SOX5: variants seen among roughly 807,000 people sequenced by gnomAD.
The protein encoded by SOX5 is SRY-box transcription factor 5.
A neutral mutation model predicts 92.0 loss-of-function variants in SOX5; 9 were observed. The observed-to-expected ratio is 0.10, with a 90% CI of 0.06 to 0.17. The LOEUF (loss-of-function observed/expected upper bound fraction) is 0.17, where lower values mean the gene tolerates loss of function less well. SOX5 is among the 10% of genes least tolerant of loss of function. SOX5 has a pLI of 1.00. For synonymous variants in SOX5, 344 were observed against 336.3 expected (o/e 1.02, Z -0.25); for missense variants, 642 against 944.5 (o/e 0.68, Z 4.20).
At chr12:23,664,904 C>G (rs2083564826) in intron 7 of SOX5, among the ~76,000 whole-genome samples, 1 of 152,114 alleles carries the variant, frequency 6.6e-6, no homozygotes, top group Admixed American at 6.6e-5. Context: ...AGGGACCTAA[C>G]TTAAGTCAAG....
chr12:23,879,468 C>A (rs939289212), intron 2 of SOX5, among the ~76,000 whole-genome samples: 1 of 152,082 alleles, frequency 6.6e-6, no homozygotes, highest in African/African-American at 2.4e-5. Flanking sequence ...ATTTTCTTTT[C>A]TTTGAAATAA....
rs981149691 is a variant in SOX5 at position 24,151,861 on chromosome 12, A to T, written c.-2+61482T>A. 2.6e-5 allele frequency among the ~76,000 whole-genome samples: 4 copies of T among 152,022 alleles called. No homozygotes were observed. The East Asian group carries it at 5.8e-4, about 22-fold the overall frequency. On this transcript the variant is annotated intron_variant, in intron 4 of 4. Coordinates refer to the SOX5 transcript ENST00000446891. Reference sequence around the variant, plus strand: ...GTTCATAGAATACGATGCAAGAAGTAAAAAAATAAATAAATAAATAAATAA... The same window carrying T: ...GTTCATAGAATACGATGCAAGAAGTTAAAAAATAAATAAATAAATAAATAA...
At chr12:24,294,788 G>A (rs2140545273) in intron 2 of SOX5, among the ~76,000 whole-genome samples, 1 of 152,326 alleles carries the variant, frequency 6.6e-6, no homozygotes, top group South Asian at 2.1e-4. Flanking sequence ...AAGTAGCTTT[G>A]ACCCCACAGG....
chr12:24,355,370 CA>C (rs1347856102), intron 2 of SOX5, among the ~76,000 whole-genome samples: 1 of 126,750 alleles, frequency 7.9e-6, no homozygotes, highest in Non-Finnish European at 1.6e-5. Context: ...TGCAGTGGTG[CA>C]ATTTCGGCTC....
intron 3 of SOX5, among the ~76,000 whole-genome samples, chr12:24,239,126 C>A (rs1274336702): frequency 1.1e-4 from 17 of 152,194 alleles, no homozygotes. Context: ...TATTGCATTA[C>A]AATTGCTGTT....
intron 2 of SOX5, among the ~76,000 whole-genome samples, chr12:24,343,743 C>A (rs1293198881): frequency 1.3e-5 from 2 of 152,036 alleles, no homozygotes; most frequent in African/African-American, 4.8e-5. Flanking sequence ...ATAAGCTGCT[C>A]TGACTGAGTC....
chr12:23,897,614 C>T (rs1455822901), intron 1 of SOX5, among the ~76,000 whole-genome samples: 1 of 152,070 alleles, frequency 6.6e-6, no homozygotes, highest in Admixed American at 6.5e-5. Flanking sequence ...GTGCAACCCA[C>T]CCACCCTCAA....
chr12:24,531,035 C>A (rs184460166), intron 1 of SOX5, among the ~76,000 whole-genome samples: 3 of 152,228 alleles, frequency 2.0e-5, no homozygotes, highest in African/African-American at 7.2e-5. Context: ...AAACTCTGTA[C>A]ACATGATTGT....
At chr12:24,091,406 C>T (rs1431022806) in intron 4 of SOX5, among the ~76,000 whole-genome samples, 1 of 148,690 alleles carries the variant, frequency 6.7e-6, no homozygotes, top group Admixed American at 6.8e-5. Context: ...ATTAAAGAAG[C>T]ATAAAGTAAA....
At chr12:24,102,155 C>G (rs1368702294) in intron 4 of SOX5, among the ~76,000 whole-genome samples, 1 of 152,154 alleles carries the variant, frequency 6.6e-6, no homozygotes, top group Non-Finnish European at 1.5e-5. Context: ...ACACTCAGTG[C>G]CTTCCTGTGT....
chr12:23,620,732 T>C (rs1212969625), intron 8 of SOX5, among the ~76,000 whole-genome samples: 2 of 152,134 alleles, frequency 1.3e-5, no homozygotes, highest in African/African-American at 4.8e-5. Context: ...TTTACTTTCA[T>C]TGACTTTTTT....
At position 23,674,920 on chromosome 12, in the gene SOX5, T is replaced by C. The variant is rs150569464; in HGVS notation, c.811-9356A>G. Among the ~76,000 whole-genome samples, 500 of 152,208 alleles carry C rather than the reference T, an allele frequency of 3.3e-3. 2 individuals carry two copies. The highest frequency in any genetic ancestry group is 0.011 in the African/African-American group (475 of 41,552). On this transcript the variant is annotated intron_variant, in intron 6 of 14. Transcript: ENST00000451604. Reference sequence around the variant, plus strand: ...GTACCTGGCATAAAATAAAAGGATATTTAACATAGTAATTGCCATTTGGTG... The same window carrying C: ...GTACCTGGCATAAAATAAAAGGATACTTAACATAGTAATTGCCATTTGGTG...
chr12:24,476,135 C>T (rs34349175), intron 1 of SOX5, among the ~76,000 whole-genome samples: 19,604 of 152,160 alleles, frequency 0.13, 1,339 homozygotes, highest in African/African-American at 0.18. Flanking sequence ...TCCAACTGTT[C>T]ATTCCTGGTG....
chr12:24,017,113 T>A (rs1030425467), intron 4 of SOX5, among the ~76,000 whole-genome samples: 2 of 152,198 alleles, frequency 1.3e-5, no homozygotes, highest in African/African-American at 4.8e-5. Context: ...CCATTTAACA[T>A]CTCTTTAAAC....
intron 1 of SOX5, among the ~76,000 whole-genome samples, chr12:24,545,315 C>T (rs1952519079): frequency 6.6e-6 from 1 of 152,070 alleles, no homozygotes; most frequent in Non-Finnish European, 1.5e-5. Flanking sequence ...TACTAATAAA[C>T]TGACATGGGG....
chr12:23,538,887 A>C (rs12309508), intron 13 of SOX5, among the ~76,000 whole-genome samples: 1 of 136,546 alleles, frequency 7.3e-6, no homozygotes, highest in East Asian at 2.1e-4. Context: ...TGCAAGCTCC[A>C]CCTCCCGGAT....
intron 4 of SOX5, among the ~76,000 whole-genome samples, chr12:24,002,869 TAAGAA>T (rs1474002317): frequency 7.6e-6 from 1 of 131,404 alleles, no homozygotes; most frequent in Non-Finnish European, 1.7e-5. Flanking sequence ...AAAAACATCA[TAAGAA>T]AAGAAAACTA....
chr12:24,479,616 A>G (rs1945755842), intron 1 of SOX5, among the ~76,000 whole-genome samples: 1 of 152,166 alleles, frequency 6.6e-6, no homozygotes, highest in Non-Finnish European at 1.5e-5. Context: ...AAAAAGCCTT[A>G]CAAAATCTTA....
At chr12:24,382,888 G>A (rs1205183780) in intron 1 of SOX5, among the ~76,000 whole-genome samples, 2 of 152,138 alleles carry the variant, frequency 1.3e-5, no homozygotes, top group Non-Finnish European at 2.9e-5. Context: ...TTCAGGGAGA[G>A]CAAGTCTGAG....
Sources: allele counts gnomAD v4.1 joint callset (sites outside exome capture counted in the v4.1 genomes callset), GRCh38; gene constraint gnomAD v4.1.1; transcripts MANE v1.5; gene names NCBI Gene and HGNC (gene_info 2026-07-23, HGNC 2026-07-21).